Variants in TMEM235 observed in about 807,000 individuals in gnomAD.
The protein encoded by TMEM235 is transmembrane protein 235, also known as claudin-27.
TMEM235 carries 23 observed loss-of-function variants against 22.9 expected under a neutral mutation model. The ratio of observed to expected loss-of-function variants is 1.00; its 90% CI spans 0.72 to 1.42. The LOEUF is 1.42. Ranked by LOEUF, TMEM235 falls within the 40% of genes most tolerant of loss-of-function variation. TMEM235 has a pLI of 0.00. For synonymous variants in TMEM235, 137 were observed against 140.5 expected (o/e 0.98, Z 0.17); for missense variants, 308 against 299.5 (o/e 1.03, Z -0.21).
At chr17:78,232,359 C>A in intron 2 of TMEM235, 146 bp downstream of exon 1, 1 of 786,420 alleles carries the variant, frequency 1.3e-6, no homozygotes, top group Non-Finnish European at 1.8e-6. Context: ...TGTCTCTCCG[C>A]TCCCTCCCCA....
chr17:78,238,261 G>A lies in TMEM235; in HGVS notation c.410-763G>A, dbSNP rs4789022. Among the ~76,000 whole-genome samples, 19 of 152,290 alleles carry A rather than the reference G, an allele frequency of 1.2e-4. No individual in the cohort carries two copies. In the East Asian group the frequency reaches 1.4e-3, roughly 11 times the overall value. Reference sequence around the variant, plus strand: ...AACTGCCGGATGAAGCCTGGTGCCCGCCACCCTGTGCAAAGCCCAGCTTCA... The same window carrying A: ...AACTGCCGGATGAAGCCTGGTGCCCACCACCCTGTGCAAAGCCCAGCTTCA... On this transcript the variant is annotated intron_variant, in intron 4 of 5. Coordinates refer to ENST00000421688, the Ensembl canonical transcript of TMEM235. The surrounding 1 kb of genome is among the most constrained non-coding windows in gnomAD (Gnocchi z 4.3).
chr17:78,237,062 C>T lies in TMEM235; in HGVS notation c.410-1962C>T, dbSNP rs1003142579. Among the ~76,000 whole-genome samples, 5 of 151,910 alleles carry T rather than the reference C, an allele frequency of 3.3e-5. No individual in the cohort carries two copies. The highest frequency in any genetic ancestry group is 2.6e-4 in the Admixed American group (4 of 15,270). On this transcript the variant is annotated intron_variant, in intron 4 of 5. Coordinates refer to ENST00000421688, the Ensembl canonical transcript of TMEM235. This position sits in a 1 kb window ranked among gnomAD's most constrained non-coding sequence, Gnocchi z 4.7. Reference sequence around the variant, plus strand: ...GGACCCTCTGCATTGTGCCTGGGAGCGAAGGCACCGGCTAGGGGGTGGAGG... The same window carrying T: ...GGACCCTCTGCATTGTGCCTGGGAGTGAAGGCACCGGCTAGGGGGTGGAGG...
chr17:78,231,369 C>A lies in TMEM235; in HGVS notation c.-593+28C>A, dbSNP rs573565491. The A allele has an allele frequency of 4.2e-5, 52 of 1,240,114 alleles. No homozygotes were observed. The African/African-American group carries it at 6.5e-4, about 16-fold the overall frequency. The allele number at this position is 1,240,114 out of a possible 1,614,324, so 76.8% of individuals were successfully genotyped here. On this transcript the variant is annotated intron_variant, in intron 1 of 5. Transcript: ENST00000421688. ...GAGTGACTGGACAGGCAGAGGCCGG[C>A]CTTGCTGGAGGGGGCATTTGTAATT... is the stretch of plus-strand genomic sequence containing the variant.
Position 78,234,601 on chromosome 17 carries a change from C to T in TMEM235, c.280C>T (p.Arg94Cys), listed in dbSNP as rs555201618. Residue 94 changes from arginine (R) to cysteine (C), a missense_variant, in exon 4 of 6, where the codon CGT (arginine) becomes TGT (cysteine). Arg to Cys is a radical substitution (Grantham distance 180). Coordinates refer to ENST00000421688, the Ensembl canonical transcript of TMEM235. ...AGCCCCCTTTCCTGCAGTGCTGCAC[C>T]GTGCAGTCATTGTGGTCCTGCCCCT... The T allele has an allele frequency of 7.0e-4, 1,081 of 1,536,188 alleles. No homozygotes were observed. The highest frequency in any genetic ancestry group is 9.0e-4 in the Non-Finnish European group (1,028 of 1,146,922).
Position 78,232,226 on chromosome 17 carries a change from C to T in TMEM235, c.190+13C>T, listed in dbSNP as rs922238549. ...CGCATCTGCGAAGGTAACCGGCCAC[C>T]GCGCCGGCCCTCCTCCCTCCGCGAC... On this transcript the variant is annotated intron_variant, in intron 2 of 5. Transcript: ENST00000421688. 7 of 1,442,708 alleles carry T rather than the reference C, an allele frequency of 4.9e-6. No homozygotes were observed. The highest frequency in any genetic ancestry group is 5.1e-5 in the Admixed American group (2 of 38,920). 89.4% of individuals were successfully genotyped at this position (1,442,708 alleles called of 1,614,324 possible).
chr17:78,239,938 C>G (rs1334468130), exon 6 of TMEM235: 2 of 1,549,980 alleles, frequency 1.3e-6, no homozygotes, highest in South Asian at 1.2e-5. Flanking sequence ...GGCCCGAGAG[C>G]CCCTCCGATT....
In TMEM235 at chr17:78,238,549, T is replaced by C. The variant is rs2076669551; in HGVS notation, c.410-475T>C. On this transcript the variant is annotated intron_variant, in intron 4 of 5. Transcript: ENST00000421688. This position sits in a 1 kb window ranked among gnomAD's most constrained non-coding sequence, Gnocchi z 4.3. Reference sequence around the variant, plus strand: ...CGCTGCTGCCAGCAGAGGCCATGGCTCTGTGTGTGTGTGTGTGTGTGTGTG... The same window carrying C: ...CGCTGCTGCCAGCAGAGGCCATGGCCCTGTGTGTGTGTGTGTGTGTGTGTG... Among the ~76,000 whole-genome samples the C allele has an allele frequency of 1.7e-5, 2 of 120,152 alleles. No homozygotes were observed. The highest frequency in any genetic ancestry group is 3.4e-5 in the Non-Finnish European group (2 of 59,608). The allele number at this position is 120,152 out of a possible 152,430, so 78.8% of individuals were successfully genotyped here.
rs750495355 is a variant in TMEM235 at position 78,238,585 on chromosome 17, T to TGTGAGA, written c.410-438_410-437insTGAGAG. On this transcript the variant is annotated intron_variant, in intron 4 of 5. Transcript: ENST00000421688. The surrounding 1 kb of genome is among the most constrained non-coding windows in gnomAD (Gnocchi z 4.3). ...GTGTGTGTGTGTGTGTGTGTGTGTG[T>TGTGAGA]GAATGTGTGCAAATGTGTTCGTGTA... Among the ~76,000 whole-genome samples the TGTGAGA allele has an allele frequency of 2.1e-5, 3 of 142,914 alleles. No homozygotes were observed. Among genetic ancestry groups the TGTGAGA allele is most frequent in the Non-Finnish European group, 4.5e-5 (3 of 66,008 alleles). 93.8% of individuals were successfully genotyped at this position (142,914 alleles called of 152,430 possible). A position where few individuals can be genotyped will look rare whatever the true frequency, so the allele number is the denominator to read the frequency against.
exon 6 of TMEM235, chr17:78,239,800 A>G: frequency 6.5e-7 from 1 of 1,548,620 alleles, no homozygotes. Flanking sequence ...TGAGGCCCAG[A>G]GCGGCAGAGG....
chr17:78,239,383 A>T, intron 5 of TMEM235, 110 bp downstream of exon 4: 11 of 1,286,402 alleles, frequency 8.6e-6, no homozygotes, highest in Non-Finnish European at 1.1e-5. Context: ...GGTCCTGGCC[A>T]GGAAGGGGCT....
chr17:78,239,156 C>G, exon 5 of TMEM235: 1 of 1,542,688 alleles, frequency 6.5e-7, no homozygotes, highest in Non-Finnish European at 8.7e-7. Context: ...ATGGCCCTGG[C>G]CTGGGGCTCC....
rs1297885377 is a variant in TMEM235, at chr17:78,237,058, G to C, written c.410-1966G>C. 6.6e-6 allele frequency among the ~76,000 whole-genome samples: 1 copy of C among 152,034 alleles called. No homozygotes were observed. The highest frequency in any genetic ancestry group is 1.5e-5 in the Non-Finnish European group (1 of 68,034). On this transcript the variant is annotated intron_variant, in intron 4 of 5. Transcript: ENST00000421688. The surrounding 1 kb of genome is among the most constrained non-coding windows in gnomAD (Gnocchi z 4.7). ...ACACGGACCCTCTGCATTGTGCCTGGGAGCGAAGGCACCGGCTAGGGGGTG... is the reference window on the plus strand; with the variant it reads ...ACACGGACCCTCTGCATTGTGCCTGCGAGCGAAGGCACCGGCTAGGGGGTG...
At position 78,237,619 on chromosome 17, in the gene TMEM235, G is replaced by T. The variant is rs941499286; in HGVS notation, c.410-1405G>T. On this transcript the variant is annotated intron_variant, in intron 4 of 5. Transcript: ENST00000421688. The surrounding 1 kb of genome is among the most constrained non-coding windows in gnomAD (Gnocchi z 4.7). ...GGCCTGCCAGGAAGTGGGGCCTTGG[G>T]CTGCAGCTGCAGCCAGTGCTACAGG... Among the ~76,000 whole-genome samples, 2 of 151,902 alleles carry T rather than the reference G, an allele frequency of 1.3e-5. No homozygotes were observed. Among genetic ancestry groups the T allele is most frequent in the African/African-American group, 4.8e-5 (2 of 41,380 alleles).
At chr17:78,235,552 G>A (rs1024199346) in intron 4 of TMEM235, among the ~76,000 whole-genome samples, 1 of 151,126 alleles carries the variant, frequency 6.6e-6, no homozygotes, top group Non-Finnish European at 1.5e-5. Context: ...CTCCCTAAGT[G>A]CTGGGATTAT....
exon 6 of TMEM235, chr17:78,240,384 G>A: frequency 5.6e-6 from 1 of 178,164 alleles, no homozygotes; most frequent in Non-Finnish European, 1.2e-5. Flanking sequence ...CCCCAGGTTG[G>A]GAGGGGCTCA....
intron 4 of TMEM235, among the ~76,000 whole-genome samples, chr17:78,235,632 G>A (rs2076634968): frequency 2.3e-5 from 3 of 128,938 alleles, no homozygotes; most frequent in South Asian, 5.0e-4. Flanking sequence ...ACGGAGTCTC[G>A]CTCTGTCTCC....
intron 4 of TMEM235, among the ~76,000 whole-genome samples, chr17:78,236,120 T>C (rs1017812910): frequency 1.3e-5 from 2 of 152,060 alleles, no homozygotes; most frequent in Non-Finnish European, 2.9e-5. Flanking sequence ...GGGCTTCTGG[T>C]TGTGGGTCAG....
At chr17:78,233,929 T>A in exon 3 of TMEM235, 1 of 1,535,760 alleles carries the variant, frequency 6.5e-7, no homozygotes, top group Non-Finnish European at 8.7e-7. Flanking sequence ...TCGACCCTTT[T>A]GCCAGTGAGA....
At chr17:78,240,195 TC>T in exon 6 of TMEM235, 1 of 650,070 alleles carries the variant, frequency 1.5e-6, no homozygotes, top group Non-Finnish European at 2.2e-6. Context: ...GAGATGGAAG[TC>T]CCAGAAGGGT....
Sources: gnomAD v4.1 joint callset for allele counts (sites outside exome capture counted in the v4.1 genomes callset) on GRCh38, gnomAD v4.1.1 for gene constraint, Gnocchi (gnomAD v3.1) non-coding constraint, MANE v1.5 for transcripts, NCBI Gene and HGNC (gene_info 2026-07-23, HGNC 2026-07-21) for gene names.